SPATA17: variants seen among roughly 807,000 people sequenced by gnomAD.
SPATA17 encodes spermatogenesis associated 17.
SPATA17 carries 53 observed loss-of-function variants against 62.2 expected under a neutral mutation model. That is an observed-to-expected ratio of 0.85 (90% CI 0.68 to 1.07). The LOEUF is 1.07. Ranked by LOEUF, SPATA17 falls within the 50% of genes least tolerant of loss-of-function variation. The pLI, the probability that SPATA17 is intolerant of heterozygous loss-of-function variation, is 0.00. For synonymous variants in SPATA17, 146 were observed against 146.8 expected, an observed-to-expected ratio of 0.99 and a Z score of 0.04; for missense variants, 466 against 425.5, an observed-to-expected ratio of 1.10 and a Z score of -0.84.
intron 3 of SPATA17, among the ~76,000 whole-genome samples, chr1:217,666,132 T>G (rs1028585203): frequency 7.2e-5 from 11 of 152,172 alleles, no homozygotes; most frequent in African/African-American, 2.7e-4. Flanking sequence ...CCCGAGATCT[T>G]TCATCTTCCC....
At chr1:217,769,330 A>T (rs984304440) in intron 6 of SPATA17, among the ~76,000 whole-genome samples, 1 of 152,232 alleles carries the variant, frequency 6.6e-6, no homozygotes, top group African/African-American at 2.4e-5. Flanking sequence ...TTTCCAATAG[A>T]TCTGCTTTCC....
chr1:217,651,952 A>T (rs6687659), intron 3 of SPATA17, among the ~76,000 whole-genome samples: 3 of 152,260 alleles, frequency 2.0e-5, no homozygotes, highest in Admixed American at 6.5e-5. Context: ...ATAGTGGTAC[A>T]TTTAATATAC....
chr1:217,852,086 C>G (rs1477653652), intron 9 of SPATA17, among the ~76,000 whole-genome samples: 1 of 152,026 alleles, frequency 6.6e-6, no homozygotes, highest in African/African-American at 2.4e-5. Flanking sequence ...AAACATGTAC[C>G]CTGTTAGCTC....
At chr1:217,731,977 C>G (rs1157377158) in intron 5 of SPATA17, among the ~76,000 whole-genome samples, 4 of 151,982 alleles carry the variant, frequency 2.6e-5, no homozygotes, top group African/African-American at 4.8e-5. Flanking sequence ...TTTAATTACC[C>G]CTTTGTAATG....
At chr1:217,653,580 C>G (rs1223470200) in intron 3 of SPATA17, among the ~76,000 whole-genome samples, 1 of 150,014 alleles carries the variant, frequency 6.7e-6, no homozygotes, top group Non-Finnish European at 1.5e-5. Context: ...ATAAGATGCT[C>G]TTCTGGAAAC....
chr1:217,766,722 T>TTTC (rs200664991), intron 6 of SPATA17, among the ~76,000 whole-genome samples: 232 of 6,568 alleles, frequency 0.035, 3 homozygotes, highest in South Asian at 0.097. Flanking sequence ...ATCGTTCTCT[T>TTTC]TTTTTTTTTT....
intron 1 of SPATA17, among the ~76,000 whole-genome samples, chr1:217,632,300 G>A (rs1402093829): frequency 1.3e-5 from 2 of 152,124 alleles, no homozygotes; most frequent in African/African-American, 4.8e-5. Context: ...AAAACCACTA[G>A]CAGTCTTCTT....
chr1:217,673,964 G>T (rs1447329609), intron 4 of SPATA17, among the ~76,000 whole-genome samples: 1 of 152,054 alleles, frequency 6.6e-6, no homozygotes, highest in African/African-American at 2.4e-5. Flanking sequence ...CTGATTGGCT[G>T]ACCCCATCCA....
chr1:217,820,349 A>C (rs186202409), intron 9 of SPATA17, among the ~76,000 whole-genome samples: 266 of 152,182 alleles, frequency 1.7e-3, no homozygotes, highest in African/African-American at 6.3e-3. Flanking sequence ...TGAATGGAGA[A>C]GAGACAAGTT....
intron 5 of SPATA17, among the ~76,000 whole-genome samples, chr1:217,688,440 A>G (rs1671273049): frequency 6.6e-6 from 1 of 152,178 alleles, no homozygotes; most frequent in Non-Finnish European, 1.5e-5. Flanking sequence ...GCCATTCTTC[A>G]AAACAGTGTT....
intron 4 of SPATA17, among the ~76,000 whole-genome samples, chr1:217,676,423 G>T (rs181655429): frequency 2.6e-4 from 40 of 152,120 alleles, no homozygotes; most frequent in African/African-American, 9.4e-4. Flanking sequence ...TGCCTGTTTT[G>T]GGCCCTGAAG....
At chr1:217,772,914 G>A (rs1009368926) in intron 6 of SPATA17, among the ~76,000 whole-genome samples, 1 of 152,148 alleles carries the variant, frequency 6.6e-6, no homozygotes, top group Non-Finnish European at 1.5e-5. Context: ...ACTGCGTTTG[G>A]GATAGGATGT....
intron 6 of SPATA17, among the ~76,000 whole-genome samples, chr1:217,772,577 G>A (rs2102970860): frequency 6.6e-6 from 1 of 152,228 alleles, no homozygotes; most frequent in Admixed American, 6.5e-5. Context: ...TTTGAAAGCA[G>A]TCAATACAAT....
At chr1:217,836,406 T>G (rs1181312296) in intron 9 of SPATA17, among the ~76,000 whole-genome samples, 1 of 152,112 alleles carries the variant, frequency 6.6e-6, no homozygotes, top group African/African-American at 2.4e-5. Context: ...AAATAAGAAT[T>G]TGTCTGTCAT....
intron 4 of SPATA17, among the ~76,000 whole-genome samples, chr1:217,679,601 C>T (rs775205959): frequency 1.3e-5 from 2 of 152,130 alleles, no homozygotes; most frequent in South Asian, 2.1e-4. Flanking sequence ...CCTTAACCAT[C>T]GCTTACTTAT....
chr1:217,786,264 T>C (rs1184519724), intron 8 of SPATA17, among the ~76,000 whole-genome samples: 1 of 152,164 alleles, frequency 6.6e-6, no homozygotes, highest in Non-Finnish European at 1.5e-5. Flanking sequence ...GTCAAGTGTG[T>C]GTAAGAGACA....
intron 9 of SPATA17, among the ~76,000 whole-genome samples, chr1:217,858,853 C>A (rs1411791569): frequency 1.3e-5 from 2 of 151,824 alleles, no homozygotes; most frequent in Non-Finnish European, 2.9e-5. Flanking sequence ...TATGGTGAAA[C>A]CCCGTTTCTA....
At chr1:217,680,122 A>C (rs938257292) in intron 4 of SPATA17, among the ~76,000 whole-genome samples, 1 of 152,198 alleles carries the variant, frequency 6.6e-6, no homozygotes, top group Non-Finnish European at 1.5e-5. Flanking sequence ...ATTGCTGATG[A>C]CGGATTTCCT....
chr1:217,782,441 CT>C (rs1459498635), intron 8 of SPATA17, 119 bp downstream of exon 8: 2 of 1,107,588 alleles, frequency 1.8e-6, no homozygotes, highest in South Asian at 2.3e-5. Flanking sequence ...AAAGCCACCC[CT>C]GACCTGTTCC....
Sources: allele counts gnomAD v4.1 joint callset (sites outside exome capture counted in the v4.1 genomes callset), GRCh38; gene constraint gnomAD v4.1.1; transcripts MANE v1.5; gene names NCBI Gene and HGNC (gene_info 2026-07-23, HGNC 2026-07-21).